The following ANGEL2 variants were observed in gnomAD, a reference collection of about 807,000 sequenced individuals.
ANGEL2 encodes RNA 2',3'-cyclic phosphatase ANGEL2.
ANGEL2 carries 41 observed loss-of-function variants against 66.0 expected under a neutral mutation model. The ratio of observed to expected loss-of-function variants is 0.62; its 90% CI spans 0.48 to 0.81. The LOEUF (loss-of-function observed/expected upper bound fraction) is 0.81, where lower values mean the gene tolerates loss of function less well. Ranked by LOEUF, ANGEL2 falls within the 30% of genes least tolerant of loss-of-function variation. The pLI, the probability that ANGEL2 is intolerant of heterozygous loss-of-function variation, is 0.00. For missense variants in ANGEL2, 561 were observed against 641.6 expected, an observed-to-expected ratio of 0.87 and a Z score of 1.36; for synonymous variants, 208 against 226.5, an observed-to-expected ratio of 0.92 and a Z score of 0.73.
At chr1:213,014,827 G>GTAA (rs2076597252) in intron 1 of ANGEL2, among the ~76,000 whole-genome samples, 1 of 152,188 alleles carries the variant, frequency 6.6e-6, no homozygotes, top group African/African-American at 2.4e-5. Context: ...CATCGCTTAT[G>GTAA]TAATAATACA....
intron 2 of ANGEL2, among the ~76,000 whole-genome samples, chr1:213,010,758 T>C (rs1281098724): frequency 6.6e-6 from 1 of 152,202 alleles, no homozygotes; most frequent in Non-Finnish European, 1.5e-5. Flanking sequence ...CACTGCCATA[T>C]TAAAATATGA....
chr1:213,008,139 C>T lies in ANGEL2; in HGVS notation c.642+71G>A, dbSNP rs2076392540. 3 of 1,516,038 alleles carry T rather than the reference C, an allele frequency of 2.0e-6. No homozygotes were observed. The East Asian group carries it at 6.9e-5, about 35-fold the overall frequency. The allele number at this position is 1,516,038 out of a possible 1,614,324, so 93.9% of individuals were successfully genotyped here. A position where few individuals can be genotyped will look rare whatever the true frequency, so the allele number is the denominator to read the frequency against. ...TCAGCCTCCCAAAGTGCTGGGATTA[C>T]AAGCATGAGCCAGTGTGCCCGGCCC... On this transcript the variant is annotated intron_variant, in intron 3 of 8. Coordinates refer to ENST00000366962, the MANE Select transcript of ANGEL2 (RefSeq NM_144567.5).
Position 213,005,401 on chromosome 1 carries a change from T to C in ANGEL2, c.766A>G (p.Ile256Val), listed in dbSNP as rs775697863. The change falls in exon 5 of 9, where the codon ATT becomes GTT. Residue 256 changes from isoleucine (I) to valine (V), a missense_variant. By Grantham distance (29) the Ile-to-Val change is conservative. Coordinates refer to ENST00000366962, the MANE Select transcript of ANGEL2 (RefSeq NM_144567.5). Reference protein sequence around the residue: ...RTGRKPDGCAICFKHSKFSLL... With the variant: ...RTGRKPDGCAVCFKHSKFSLL... ...GAAAATTTGGAATGTTTGAAGCAAA[T>C]AGCACAGCCATCAGGTTTCCTTCCT... The C allele has an allele frequency of 5.8e-5, 94 of 1,613,722 alleles. No homozygotes were observed. Among genetic ancestry groups the C allele is most frequent in the Non-Finnish European group, 7.5e-5 (88 of 1,179,872 alleles).
chr1:213,002,362 A>G (rs1159267591), intron 5 of ANGEL2: 2 of 152,244 alleles, frequency 1.3e-5, no homozygotes, highest in Admixed American at 6.5e-5. Context: ...AAAATATTCT[A>G]TGCCATAAAC....
intron 2 of ANGEL2, 108 bp downstream of exon 2, chr1:213,012,985 C>T (rs2148180998): frequency 8.7e-7 from 1 of 1,146,898 alleles, no homozygotes. Flanking sequence ...TAAAAGTCAA[C>T]ACCAAACACC....
In ANGEL2 at chr1:213,014,821, G is replaced by C. The variant is rs79549946; in HGVS notation, c.59+792C>G. 5.2e-3 allele frequency among the ~76,000 whole-genome samples: 795 copies of C among 152,318 alleles called. 3 individuals carry two copies. Among genetic ancestry groups the C allele is most frequent in the Non-Finnish European group, 8.8e-3 (596 of 68,024 alleles). On this transcript the variant is annotated intron_variant, in intron 1 of 8. Coordinates refer to ENST00000366962, the MANE Select transcript of ANGEL2 (RefSeq NM_144567.5). ...TGGGAGTTACAACCAAATCCCCATC[G>C]CTTATGTAATAATACATGCTGTGTT...
chr1:213,011,060 G>T, intron 2 of ANGEL2: 1 of 790,034 alleles, frequency 1.3e-6, no homozygotes, highest in Non-Finnish European at 1.8e-6. Context: ...ATTTTATACT[G>T]ACCACATTTG....
rs117877714 is a variant in ANGEL2, at chr1:213,009,965, C to T, written c.386-1499G>A. Among the ~76,000 whole-genome samples the T allele has an allele frequency of 9.0e-3, 1,353 of 150,758 alleles. 44 individuals carry two copies. The highest frequency in any genetic ancestry group is 0.071 in the East Asian group (360 of 5,040). ...ACTCAGGAGGCTGAAGCCAGAGAAT[C>T]GCTGTAACCCGGGAAGCAGAGGTTG... is the stretch of plus-strand genomic sequence containing the variant. On this transcript the variant is annotated intron_variant, in intron 2 of 8. Transcript: ENST00000366962.
intron 7 of ANGEL2, among the ~76,000 whole-genome samples, chr1:212,997,789 T>C (rs945096550): frequency 6.6e-6 from 1 of 152,226 alleles, no homozygotes; most frequent in Non-Finnish European, 1.5e-5. Flanking sequence ...TTTATTATAT[T>C]TGCCCCATGC....
At position 213,007,175 on chromosome 1, in the gene ANGEL2, T is replaced by C; in HGVS notation, c.666A>G (p.Gln222=). Residue 222 remains glutamine, a synonymous_variant, in exon 4 of 9, where the codon CAA becomes CAG. Coordinates refer to ENST00000366962, the MANE Select transcript of ANGEL2 (RefSeq NM_144567.5). Reference sequence around the variant, plus strand: ...TGATCTCTGCTCCATAATGATCTTCTTGAACTTCTTGCAAACAAAGTACCT... The same window carrying C: ...TGATCTCTGCTCCATAATGATCTTCCTGAACTTCTTGCAAACAAAGTACCT... The part of the protein sequence containing the change: ...DADVLCLQEV[Q]EDHYGAEIRP... 4 of 1,586,598 alleles carry C rather than the reference T, an allele frequency of 2.5e-6. No homozygotes were observed. Among genetic ancestry groups the C allele is most frequent in the Non-Finnish European group, 2.6e-6 (3 of 1,169,898 alleles).
chr1:213,006,768 T>G (rs1363674978), intron 4 of ANGEL2: 1 of 198,368 alleles, frequency 5.0e-6, no homozygotes, highest in African/African-American at 2.3e-5. Context: ...ACACAAAAGT[T>G]TCCAGTGAGT....
In ANGEL2 at chr1:212,993,240, C is replaced by A. The variant is rs1012075782; in HGVS notation, c.*1801G>T. 1.3e-5 allele frequency: 2 copies of A among 152,098 alleles called. No individual in the cohort carries two copies. Among genetic ancestry groups the A allele is most frequent in the Admixed American group, 6.5e-5 (1 of 15,282 alleles). 9.4% of individuals were successfully genotyped at this position (152,098 alleles called of 1,614,324 possible). Reference sequence around the variant, plus strand: ...AGGAGAATTGCTTGAACCCAGGAGGCGGAGGTTGCAGTGAGCCGAGTTCGC... The same window carrying A: ...AGGAGAATTGCTTGAACCCAGGAGGAGGAGGTTGCAGTGAGCCGAGTTCGC... On this transcript the variant is annotated 3_prime_UTR_variant, in exon 9 of 9. Transcript: ENST00000366962.
intron 8 of ANGEL2, among the ~76,000 whole-genome samples, chr1:212,995,957 C>T (rs1421384862): frequency 2.6e-5 from 4 of 152,194 alleles, no homozygotes; most frequent in Non-Finnish European, 5.9e-5. Context: ...TTTTGTACTT[C>T]CAGTAATCTT....
intron 2 of ANGEL2, 90 bp from the exon 3 acceptor site, chr1:213,008,556 A>T: frequency 1.4e-6 from 2 of 1,443,034 alleles, no homozygotes; most frequent in Non-Finnish European, 1.9e-6. Flanking sequence ...CCTCTTAAAA[A>T]TTCCCATAAG....
At chr1:213,015,515 G>GA in intron 1 of ANGEL2, 98 bp downstream of exon 1, 13 of 1,244,584 alleles carry the variant, frequency 1.0e-5, no homozygotes, top group South Asian at 6.0e-5. Flanking sequence ...TCCACCCCTA[G>GA]CCCGCCCCGC....
chr1:213,003,880 C>T (rs552862112), intron 5 of ANGEL2, among the ~76,000 whole-genome samples: 1 of 152,242 alleles, frequency 6.6e-6, no homozygotes, highest in Non-Finnish European at 1.5e-5. Context: ...TATACCTGTA[C>T]TAAGAGAGAT....
intron 8 of ANGEL2, among the ~76,000 whole-genome samples, chr1:212,996,292 C>T (rs575532591): frequency 7.3e-5 from 11 of 151,558 alleles, no homozygotes; most frequent in South Asian, 2.1e-4. Context: ...GGGCGACGAG[C>T]GAGACTCCGT....
At position 213,005,015 on chromosome 1, in the gene ANGEL2, A is replaced by G; in HGVS notation, c.1134+18T>C. 1.3e-6 allele frequency: 2 copies of G among 1,515,452 alleles called. No homozygotes were observed. Among genetic ancestry groups the G allele is most frequent in the Non-Finnish European group, 1.8e-6 (2 of 1,136,790 alleles). The allele number at this position is 1,515,452 out of a possible 1,614,324, so 93.9% of individuals were successfully genotyped here. A position where few individuals can be genotyped will look rare whatever the true frequency, so the allele number is the denominator to read the frequency against. On this transcript the variant is annotated intron_variant, in intron 5 of 8. Coordinates refer to ENST00000366962, the MANE Select transcript of ANGEL2 (RefSeq NM_144567.5). ...GCAACTATGTCCACTCCCTAATAAC[A>G]ATGAAGAAAGCACTTACCTTTCCTA...
intron 7 of ANGEL2, among the ~76,000 whole-genome samples, chr1:212,999,511 G>A (rs2076121044): frequency 6.6e-6 from 1 of 152,072 alleles, no homozygotes; most frequent in Admixed American, 6.6e-5. Context: ...TCTTATTTAT[G>A]TAGTAATATT....
Sources: allele counts gnomAD v4.1 joint callset (sites outside exome capture counted in the v4.1 genomes callset), GRCh38; gene constraint gnomAD v4.1.1; transcripts MANE v1.5; gene names NCBI Gene and HGNC (gene_info 2026-07-23, HGNC 2026-07-21).